PRKG1: variants seen among roughly 807,000 people sequenced by gnomAD.
PRKG1 encodes the protein protein kinase cGMP-dependent 1, also known as cGMP-dependent protein kinase 1.
PRKG1 carries 35 observed loss-of-function variants against 88.1 expected under a neutral mutation model. That is an observed-to-expected ratio of 0.40 (90% CI 0.30 to 0.53). The LOEUF (loss-of-function observed/expected upper bound fraction) is 0.53, where lower values mean the gene tolerates loss of function less well. PRKG1 is among the 20% of genes least tolerant of loss of function. The pLI is 0.59. For missense variants in PRKG1, 540 were observed against 839.8 expected (o/e 0.64, Z 4.41); for synonymous variants, 303 against 292.5 (o/e 1.04, Z -0.37).
intron 5 of PRKG1, among the ~76,000 whole-genome samples, chr10:51,958,933 G>A (rs1249005096): frequency 1.3e-5 from 2 of 152,138 alleles, no homozygotes; most frequent in Non-Finnish European, 2.9e-5. Flanking sequence ...TAAATGGTGA[G>A]TGATGTGGAT....
chr10:50,993,403 A>G (rs1417621032), intron 1 of PRKG1, among the ~76,000 whole-genome samples: 1 of 152,128 alleles, frequency 6.6e-6, no homozygotes, highest in Non-Finnish European at 1.5e-5. Flanking sequence ...GAACAGTGGC[A>G]TTTTCCTTCC....
At chr10:51,374,485 A>T (rs1301018586) in intron 2 of PRKG1, among the ~76,000 whole-genome samples, 2 of 152,094 alleles carry the variant, frequency 1.3e-5, no homozygotes, top group African/African-American at 2.4e-5. Flanking sequence ...AGAGGTAAGG[A>T]CTTTAAGAGG....
intron 2 of PRKG1, among the ~76,000 whole-genome samples, chr10:51,164,264 C>T (rs939950115): frequency 1.6e-4 from 24 of 152,164 alleles, no homozygotes; most frequent in Admixed American, 2.6e-4. Flanking sequence ...CTGCAGCCAC[C>T]GCTGCTGTTA....
intron 2 of PRKG1, among the ~76,000 whole-genome samples, chr10:51,431,657 G>A (rs1304405121): frequency 6.6e-6 from 1 of 151,996 alleles, no homozygotes; most frequent in Non-Finnish European, 1.5e-5. Flanking sequence ...CTCAGTTGGG[G>A]GGCTACAAAT....
chr10:51,712,330 G>C (rs1841773869), intron 3 of PRKG1, among the ~76,000 whole-genome samples: 1 of 152,114 alleles, frequency 6.6e-6, no homozygotes, highest in Non-Finnish European at 1.5e-5. Context: ...TAGATTTTAT[G>C]ACATGGTTCC....
In PRKG1 at chr10:52,188,299, TATGTATATATATAC is replaced by T. The variant is rs1399199869; in HGVS notation, c.1076+26339_1076+26352del. ...ATATACATATATATGTGTATATATA[TATGTATATATATAC>T]ATATGTATATATATACACATATATA... On this transcript the variant is annotated intron_variant, in intron 9 of 17. Transcript: ENST00000373980. Among the ~76,000 whole-genome samples, 56 of 119,366 alleles carry T rather than the reference TATGTATATATATAC, an allele frequency of 4.7e-4. 1 individual carries two copies. Among genetic ancestry groups the T allele is most frequent in the African/African-American group, 2.0e-3 (55 of 27,838 alleles). 78.3% of individuals were successfully genotyped at this position (119,366 alleles called of 152,430 possible). A position where few individuals can be genotyped will look rare whatever the true frequency, so the allele number is the denominator to read the frequency against.
At chr10:51,600,580 G>A (rs7911689) in intron 3 of PRKG1, among the ~76,000 whole-genome samples, 12 of 152,000 alleles carry the variant, frequency 7.9e-5, no homozygotes, top group Non-Finnish European at 5.9e-5. Context: ...TTAATAACGT[G>A]CTATCTCACC....
chr10:52,187,097 C>A (rs935083550), intron 9 of PRKG1, among the ~76,000 whole-genome samples: 3 of 151,682 alleles, frequency 2.0e-5, no homozygotes, highest in Admixed American at 6.6e-5. Context: ...TTTACTACTT[C>A]AAAAAAAATC....
At chr10:51,677,289 C>T (rs949260516) in intron 3 of PRKG1, among the ~76,000 whole-genome samples, 1 of 152,096 alleles carries the variant, frequency 6.6e-6, no homozygotes, top group African/African-American at 2.4e-5. Context: ...GGACATGTGA[C>T]TTGCTGTATT....
At chr10:52,126,306 TTTA>T (rs746294725) in intron 7 of PRKG1, among the ~76,000 whole-genome samples, 8 of 152,166 alleles carry the variant, frequency 5.3e-5, no homozygotes, top group Non-Finnish European at 1.0e-4. Context: ...TAATTGCTGG[TTTA>T]TTATTATTAT....
chr10:51,534,524 C>T (rs182162339), intron 3 of PRKG1, among the ~76,000 whole-genome samples: 1,915 of 142,154 alleles, frequency 0.013, 35 homozygotes, highest in African/African-American at 0.045. Context: ...AAACATTAGC[C>T]GGGCGAGGTG....
intron 2 of PRKG1, among the ~76,000 whole-genome samples, chr10:51,466,138 T>C (rs1413075332): frequency 6.6e-6 from 1 of 152,146 alleles, no homozygotes; most frequent in African/African-American, 2.4e-5. Context: ...TCTCTCATTC[T>C]TGAGTGGTAG....
At position 51,671,387 on chromosome 10, in the gene PRKG1, A is replaced by G. The variant is rs117794320; in HGVS notation, c.593-133198A>G. ...TCTGAAGGCTAGAAGTTCAAGATCA[A>G]AATGTTGGCAGGGCCATGATCCCTC... On this transcript the variant is annotated intron_variant, in intron 3 of 17. Coordinates refer to ENST00000373980, the MANE Select transcript of PRKG1 (RefSeq NM_006258.4). Among the ~76,000 whole-genome samples the G allele has an allele frequency of 1.3e-4, 20 of 152,316 alleles. No individual in the cohort carries two copies. In the East Asian group the frequency reaches 3.9e-3, roughly 29 times the overall value.
chr10:51,603,816 G>A (rs1564569301), intron 3 of PRKG1, among the ~76,000 whole-genome samples: 1 of 152,110 alleles, frequency 6.6e-6, no homozygotes, highest in African/African-American at 2.4e-5. Context: ...AGGAGAAGGG[G>A]TTGAGATCAG....
intron 2 of PRKG1, among the ~76,000 whole-genome samples, chr10:51,218,490 CATATATATATATATATATATATAT>C (rs869105973): frequency 2.5e-5 from 1 of 40,776 alleles, no homozygotes; most frequent in South Asian, 8.1e-4. Context: ...CATCTATCTT[CATATATATATATATATATATATAT>C]ATATATATAT....
intron 2 of PRKG1, among the ~76,000 whole-genome samples, chr10:51,262,054 A>T (rs1172030116): frequency 2.7e-5 from 4 of 150,802 alleles, no homozygotes; most frequent in Admixed American, 2.6e-4. Flanking sequence ...GCCCGGCTAA[A>T]TTTTTGTGTT....
At chr10:51,823,277 A>G (rs1839795878) in intron 4 of PRKG1, among the ~76,000 whole-genome samples, 1 of 152,190 alleles carries the variant, frequency 6.6e-6, no homozygotes, top group Admixed American at 6.5e-5. Context: ...TAAAAAGTCT[A>G]ACATAATAGG....
At chr10:52,054,456 T>A in intron 5 of PRKG1, 28 bp from the exon 6 acceptor site, 1 of 1,580,208 alleles carries the variant, frequency 6.3e-7, no homozygotes, top group Non-Finnish European at 8.7e-7. Flanking sequence ...CTTGCTTAAT[T>A]TTTTTTCTTA....
chr10:51,078,177 C>T (rs190645488), intron 1 of PRKG1, among the ~76,000 whole-genome samples: 1 of 152,042 alleles, frequency 6.6e-6, no homozygotes, highest in Non-Finnish European at 1.5e-5. Flanking sequence ...TTTTTGTAAG[C>T]TGTTGCTTTC....
Sources: allele counts gnomAD v4.1 joint callset (sites outside exome capture counted in the v4.1 genomes callset), GRCh38; gene constraint gnomAD v4.1.1; transcripts MANE v1.5; gene names NCBI Gene and HGNC (gene_info 2026-07-23, HGNC 2026-07-21).